The following CPS1 variants were observed in gnomAD, a reference collection of about 807,000 sequenced individuals.
CPS1 encodes carbamoyl-phosphate synthase 1, also known as carbamoyl-phosphate synthase [ammonia], mitochondrial.
Under a neutral mutation model 174.6 loss-of-function variants are expected in CPS1, and 109 were observed. That is an observed-to-expected ratio of 0.62 (90% CI 0.53 to 0.73). CPS1 has a LOEUF of 0.73. CPS1 is among the 30% of genes least tolerant of loss of function. CPS1 has a pLI of 0.00. For synonymous variants in CPS1, 637 were observed against 632.0 expected (o/e 1.01, Z -0.12); for missense variants, 1,689 against 1,821.9 (o/e 0.93, Z 1.33).
At chr2:210,512,357 C>T (rs1695517948) in intron 1 of CPS1, among the ~76,000 whole-genome samples, 1 of 151,888 alleles carries the variant, frequency 6.6e-6, no homozygotes, top group African/African-American at 2.4e-5. Flanking sequence ...CCCCATGCCT[C>T]CTTCCCCACT....
chr2:210,523,441 A>C (rs10165084), intron 1 of CPS1, among the ~76,000 whole-genome samples: 91,556 of 151,844 alleles, frequency 0.6, 28,167 homozygotes, highest in South Asian at 0.68. Context: ...TAACCATTAC[A>C]TACATAATGT....
At chr2:210,498,160 A>G (rs1695050343) in intron 1 of CPS1, among the ~76,000 whole-genome samples, 1 of 151,624 alleles carries the variant, frequency 6.6e-6, no homozygotes, top group Non-Finnish European at 1.5e-5. Context: ...TGTTTCTCTG[A>G]TGATTAGTTA....
Position 210,668,995 on chromosome 2 carries a change from G to C in CPS1, c.4101+711G>C, listed in dbSNP as rs976447780. On this transcript the variant is annotated intron_variant, in intron 34 of 37. Transcript: ENST00000233072. ...ATTTCTCAACTTAACACTCCAGATT[G>C]AAAGTTTTTGAAGGGTAGTGACTTA... Among the ~76,000 whole-genome samples the C allele has an allele frequency of 5.9e-5, 9 of 152,194 alleles. No individual in the cohort carries two copies. The East Asian group carries it at 1.7e-3, about 29-fold the overall frequency.
Position 210,605,189 on chromosome 2 carries a change from G to T in CPS1, c.1924G>T (p.Asp642Tyr). 1 of 1,612,264 alleles carries T rather than the reference G, an allele frequency of 6.2e-7. No individual in the cohort carries two copies. Among genetic ancestry groups the T allele is most frequent in the South Asian group, 1.1e-5 (1 of 91,040 alleles). ...IEYEVVRDAD[D>Y]NCVTVCNMEN... ...ATATGAAGTGGTTCGAGATGCTGAT[G>T]ACAATTGTGTCACTGTCTGTAACAT... Residue 642 changes from aspartate (D) to tyrosine (Y), a missense_variant, in exon 17 of 38, where the codon GAC (aspartate) becomes TAC (tyrosine). Asp to Tyr is a radical substitution (Grantham distance 160). Coordinates refer to ENST00000233072, the MANE Select transcript of CPS1 (RefSeq NM_001875.5).
At chr2:210,672,788 T>C (rs1277556831) in intron 34 of CPS1, 1 of 152,318 alleles carries the variant, frequency 6.6e-6, no homozygotes, top group Non-Finnish European at 1.5e-5. Flanking sequence ...GAATAACCAC[T>C]GAGCCTGCCT....
At chr2:210,532,416 T>A (rs1338806086) in intron 1 of CPS1, among the ~76,000 whole-genome samples, 1 of 152,208 alleles carries the variant, frequency 6.6e-6, no homozygotes, top group Admixed American at 6.5e-5. Context: ...TTAGCAGTTC[T>A]AAATTCCAAA....
intron 1 of CPS1, among the ~76,000 whole-genome samples, chr2:210,531,630 A>G (rs1162516152): frequency 1.3e-5 from 2 of 152,152 alleles, no homozygotes. Context: ...AAGGTCGTTT[A>G]TCGGGAGGAG....
At chr2:210,579,634 G>T in intron 4 of CPS1, 80 bp from the exon 5 acceptor site, 1 of 1,117,416 alleles carries the variant, frequency 8.9e-7, no homozygotes. Flanking sequence ...AGATAGATGA[G>T]GCCAAGTTTG....
At chr2:210,580,482 C>T (rs1016418344) in intron 5 of CPS1, among the ~76,000 whole-genome samples, 35 of 151,892 alleles carry the variant, frequency 2.3e-4, no homozygotes, top group African/African-American at 6.8e-4. Context: ...ACGTCACTAA[C>T]GTTAACTAAA....
intron 32 of CPS1, among the ~76,000 whole-genome samples, chr2:210,662,710 C>T (rs1302063717): frequency 1.3e-5 from 2 of 152,168 alleles, no homozygotes; most frequent in Non-Finnish European, 2.9e-5. Flanking sequence ...GTTGCAAGTT[C>T]AAATGATCAG....
At chr2:210,534,255 T>C (rs1407628563) in intron 1 of CPS1, among the ~76,000 whole-genome samples, 1 of 152,174 alleles carries the variant, frequency 6.6e-6, no homozygotes, top group African/African-American at 2.4e-5. Context: ...AGCCCTGCAG[T>C]GATTGATGGA....
intron 31 of CPS1, among the ~76,000 whole-genome samples, chr2:210,659,043 A>C (rs1700820543): frequency 6.6e-6 from 1 of 152,116 alleles, no homozygotes; most frequent in African/African-American, 2.4e-5. Flanking sequence ...ATTCTGCTTT[A>C]CTCCTTACCC....
intron 7 of CPS1, 120 bp from the exon 8 acceptor site, chr2:210,589,985 TA>T (rs1329291398): frequency 2.9e-6 from 4 of 1,363,818 alleles, no homozygotes; most frequent in Admixed American, 1.8e-5. Context: ...TTATTTATTT[TA>T]AATGTTTACA....
chr2:210,580,704 T>C (rs1159703687), intron 5 of CPS1, among the ~76,000 whole-genome samples: 1 of 151,584 alleles, frequency 6.6e-6, no homozygotes, highest in Non-Finnish European at 1.5e-5. Context: ...CTACTAAATA[T>C]ACAAAAACTA....
intron 21 of CPS1, among the ~76,000 whole-genome samples, chr2:210,622,800 A>G (rs1166727443): frequency 1.3e-5 from 2 of 150,812 alleles, no homozygotes; most frequent in African/African-American, 4.9e-5. Flanking sequence ...ACAGGCAAGA[A>G]AAAAAAAGTG....
chr2:210,648,051 T>C lies in CPS1; in HGVS notation c.3330T>C (p.Asn1110=), dbSNP rs1411407071. Residue 1110 remains asparagine (N), a synonymous_variant, in exon 26 of 38, where the codon AAT becomes AAC. Coordinates refer to ENST00000233072, the MANE Select transcript of CPS1 (RefSeq NM_001875.5). ...KVAQAPWKAV[N]TLNEALEFAK... is the part of the protein sequence containing the mutation. Reference sequence around the variant, plus strand: ...CTCAGGCACCTTGGAAAGCTGTTAATACTTTGGTAAGGAGAGAAACAAGTA... The same window carrying C: ...CTCAGGCACCTTGGAAAGCTGTTAACACTTTGGTAAGGAGAGAAACAAGTA... The C allele has an allele frequency of 6.2e-7, 1 of 1,613,930 alleles. No homozygotes were observed. The highest frequency in any genetic ancestry group is 2.2e-5 in the East Asian group (1 of 44,878).
intron 1 of CPS1, chr2:210,477,769 G>T: frequency 6.2e-7 from 1 of 1,613,570 alleles, no homozygotes. Context: ...GGCCCATGGT[G>T]AGTCTTAAGC....
Position 210,599,494 on chromosome 2 carries a change from G to A in CPS1, c.1482G>A (p.Glu494=), listed in dbSNP as rs374857825. 9.3e-6 allele frequency: 15 copies of A among 1,612,468 alleles called. No individual in the cohort carries two copies. The highest frequency in any genetic ancestry group is 1.3e-5 in the African/African-American group (1 of 74,804). Residue 494 remains glutamate, a synonymous_variant, in exon 14 of 38, where the codon GAG becomes GAA. Transcript: ENST00000233072. ...CCATCACCCCTCAGTTTGTCACAGA[G>A]GTCATCAAGGCAGAACAGCCAGATG... The part of the protein sequence containing the change: ...FLPITPQFVT[E]VIKAEQPDGL...
chr2:210,519,642 T>A, intron 1 of CPS1: 3 of 505,726 alleles, frequency 5.9e-6, no homozygotes, highest in Non-Finnish European at 7.7e-6. Flanking sequence ...TGAACTTGAA[T>A]TCCCAGCCTC....
Sources: gnomAD v4.1 joint callset for allele counts (sites outside exome capture counted in the v4.1 genomes callset) on GRCh38, gnomAD v4.1.1 for gene constraint, MANE v1.5 for transcripts, NCBI Gene and HGNC (gene_info 2026-07-23, HGNC 2026-07-21) for gene names.